Variants in MAF observed in about 807,000 individuals in gnomAD.
The protein encoded by MAF is MAF bZIP transcription factor.
A neutral mutation model predicts 22.0 loss-of-function variants in MAF; 10 were observed. That is an observed-to-expected ratio of 0.45 (90% CI 0.28 to 0.77). The LOEUF is 0.77. MAF is among the 30% of genes least tolerant of loss of function. The pLI, the probability that MAF is intolerant of heterozygous loss-of-function variation, is 0.12. For missense variants in MAF, 544 were observed against 548.4 expected (o/e 0.99, Z 0.08); for synonymous variants, 337 against 255.8 (o/e 1.32, Z -3.03).
chr16:79,357,272 A>G, the MAF span, among the ~76,000 whole-genome samples: 1 of 147,986 alleles, frequency 6.8e-6, no homozygotes, highest in Non-Finnish European at 1.5e-5. Context: ...AACAACAACA[A>G]CAACAACAAC....
the MAF span, among the ~76,000 whole-genome samples, chr16:79,343,626 G>A: frequency 5.0e-4 from 76 of 152,250 alleles, no homozygotes; most frequent in African/African-American, 1.6e-3. Flanking sequence ...AGTGATTGTC[G>A]TGAATGCAAA....
chr16:79,241,841 T>C, the MAF span, among the ~76,000 whole-genome samples: 2 of 152,024 alleles, frequency 1.3e-5, no homozygotes, highest in African/African-American at 4.8e-5. Context: ...TAACAGCAAA[T>C]CTCTCTGCAA....
the MAF span, among the ~76,000 whole-genome samples, chr16:79,319,385 T>G: frequency 1.3e-5 from 2 of 152,246 alleles, no homozygotes; most frequent in African/African-American, 4.8e-5. Context: ...TCAGACTATT[T>G]GTAAAAAATG....
the MAF span, among the ~76,000 whole-genome samples, chr16:79,291,027 G>A: frequency 2.6e-5 from 4 of 152,064 alleles, no homozygotes; most frequent in African/African-American, 9.7e-5. Flanking sequence ...CATTACGAAT[G>A]CTCGAGTGTA....
intron 1 of MAF, chr16:79,595,723 T>A (rs1913479029): frequency 3.8e-6 from 4 of 1,057,298 alleles, no homozygotes; most frequent in Non-Finnish European, 4.6e-6. Flanking sequence ...TCCACACAGG[T>A]ATTATTTTTT....
At chr16:79,558,169 C>T in the MAF span, among the ~76,000 whole-genome samples, 1 of 152,028 alleles carries the variant, frequency 6.6e-6, no homozygotes, top group African/African-American at 2.4e-5. Flanking sequence ...CTGTGGGGGG[C>T]CATTTTATTA....
At chr16:79,313,480 C>G in the MAF span, among the ~76,000 whole-genome samples, 1 of 152,276 alleles carries the variant, frequency 6.6e-6, no homozygotes, top group African/African-American at 2.4e-5. Context: ...TAAAGCAGAT[C>G]TGTAAAAACG....
the MAF span, among the ~76,000 whole-genome samples, chr16:79,435,550 A>G: frequency 1.3e-5 from 2 of 152,148 alleles, no homozygotes; most frequent in Admixed American, 1.3e-4. Flanking sequence ...GGTAGATGCT[A>G]TTGTTTTCAT....
the MAF span, among the ~76,000 whole-genome samples, chr16:79,473,270 G>T: frequency 4.6e-5 from 7 of 152,138 alleles, no homozygotes; most frequent in African/African-American, 1.4e-4. Context: ...CCCACAAAAG[G>T]AATGAATGGA....
chr16:79,574,233 T>A, the MAF span, among the ~76,000 whole-genome samples: 2 of 152,216 alleles, frequency 1.3e-5, no homozygotes, highest in Admixed American at 6.5e-5. Flanking sequence ...TCTGACAGTG[T>A]GCGATCAAGT....
chr16:79,230,925 G>A, the MAF span, among the ~76,000 whole-genome samples: 2 of 151,994 alleles, frequency 1.3e-5, no homozygotes, highest in African/African-American at 2.4e-5. Flanking sequence ...GGCTGCATAC[G>A]CTAATATTTC....
the MAF span, among the ~76,000 whole-genome samples, chr16:79,465,318 C>T: frequency 1.1e-4 from 17 of 152,238 alleles, no homozygotes; most frequent in Admixed American, 2.0e-4. Flanking sequence ...AAGGGCAGGG[C>T]GTGGTGGCTT....
chr16:79,483,412 G>C, the MAF span, among the ~76,000 whole-genome samples: 1 of 150,622 alleles, frequency 6.6e-6, no homozygotes, highest in Non-Finnish European at 1.5e-5. Flanking sequence ...ACAGAGGAAG[G>C]AAGATAGGAA....
the MAF span, among the ~76,000 whole-genome samples, chr16:79,283,211 T>C: frequency 2.5e-3 from 386 of 152,284 alleles, 2 homozygotes; most frequent in African/African-American, 9.0e-3. Context: ...AATGGATGAA[T>C]GGATAGGGTT....
At chr16:79,445,438 T>C in the MAF span, among the ~76,000 whole-genome samples, 1 of 152,228 alleles carries the variant, frequency 6.6e-6, no homozygotes, top group Admixed American at 6.5e-5. Flanking sequence ...TTTTTACAAA[T>C]GAGGAGACCA....
chr16:79,259,105 G>A, the MAF span, among the ~76,000 whole-genome samples: 14 of 152,246 alleles, frequency 9.2e-5, no homozygotes, highest in African/African-American at 2.9e-4. Flanking sequence ...GTAGCACTTC[G>A]TGTAAAACTC....
the MAF span, among the ~76,000 whole-genome samples, chr16:79,324,670 C>A: frequency 5.9e-5 from 9 of 152,096 alleles, no homozygotes; most frequent in Non-Finnish European, 1.0e-4. Flanking sequence ...GGGCACCCAC[C>A]ACCTCTACAG....
chr16:79,588,172 G>A (rs1337226252), intron 1 of MAF, among the ~76,000 whole-genome samples: 1 of 152,214 alleles, frequency 6.6e-6, no homozygotes, highest in African/African-American at 2.4e-5. Flanking sequence ...CTCATTACCT[G>A]CACAGTGCAG....
At chr16:79,556,090 A>G in the MAF span, among the ~76,000 whole-genome samples, 2 of 152,320 alleles carry the variant, frequency 1.3e-5, no homozygotes, top group East Asian at 3.9e-4. Context: ...AATTTTATAT[A>G]ATTTAATTTT....
Sources: allele counts gnomAD v4.1 joint callset (sites outside exome capture counted in the v4.1 genomes callset), GRCh38; gene constraint gnomAD v4.1.1; transcripts MANE v1.5; gene names NCBI Gene and HGNC (gene_info 2026-07-23, HGNC 2026-07-21).